The following TMEM87B variants were observed in gnomAD, a reference collection of about 807,000 sequenced individuals.
TMEM87B encodes transmembrane protein 87B.
In TMEM87B, 83 loss-of-function variants were observed where a neutral mutation model predicts 80.3. The observed-to-expected ratio is 1.03, with a 90% CI of 0.87 to 1.24. The LOEUF is 1.24. Among genes scored for constraint, TMEM87B ranks in the 50% most tolerant of loss-of-function variants. TMEM87B has a pLI of 0.00. For synonymous variants in TMEM87B, 219 were observed against 230.5 expected (o/e 0.95, Z 0.45); for missense variants, 625 against 674.4 (o/e 0.93, Z 0.81).
chr2:112,089,653 G>A lies in TMEM87B; in HGVS notation c.967G>A (p.Val323Met). ...TCGTTTAGGAACAGTCATGCACCGG[G>A]TGATCGGACTGGGGCTTCTATACTT... Reference protein sequence around the residue: ...KPRLGTVMHRVIGLGLLYLIF... With the variant: ...KPRLGTVMHRMIGLGLLYLIF... The change falls in exon 10 of 19, where the codon GTG becomes ATG. Residue 323 changes from valine to methionine, a missense_variant. Transcript: ENST00000283206. 1 of 1,614,164 alleles carries A rather than the reference G, an allele frequency of 6.2e-7. No individual in the cohort carries two copies. Among genetic ancestry groups the A allele is most frequent in the South Asian group, 1.1e-5 (1 of 91,082 alleles).
Position 112,117,485 on chromosome 2 carries a change from T to C in TMEM87B, c.*1342T>C, listed in dbSNP as rs561489441. On this transcript the variant is annotated 3_prime_UTR_variant, in exon 19 of 19. Transcript: ENST00000283206. ...CTACCTTCTGAATTTATTTCTTGTT[T>C]ACTCATTTCAGAGAGGGTAGTAAAG... is the stretch of plus-strand genomic sequence containing the variant. The C allele has an allele frequency of 7.2e-5, 11 of 152,324 alleles. No individual in the cohort carries two copies. In the East Asian group the frequency reaches 2.1e-3, roughly 29 times the overall value. The allele number at this position is 152,324 out of a possible 1,614,324, so 9.4% of individuals were successfully genotyped here.
At chr2:112,085,970 G>C (rs2104480957) in intron 8 of TMEM87B, 35 bp from the exon 9 acceptor site, 1 of 1,588,490 alleles carries the variant, frequency 6.3e-7, no homozygotes, top group South Asian at 1.1e-5. Flanking sequence ...TCCAGGTGTA[G>C]ACAAAGTGAA....
At chr2:112,102,965 C>T (rs1002474588) in intron 15 of TMEM87B, among the ~76,000 whole-genome samples, 6 of 151,826 alleles carry the variant, frequency 4.0e-5, no homozygotes, top group Non-Finnish European at 8.8e-5. Flanking sequence ...AGAAGCAAAA[C>T]AAAACTCCAA....
intron 9 of TMEM87B, among the ~76,000 whole-genome samples, chr2:112,086,818 C>T (rs1679159257): frequency 6.6e-6 from 1 of 152,148 alleles, no homozygotes. Flanking sequence ...GAGCCATGTG[C>T]ATGACCCTTT....
rs778639682 is a variant in TMEM87B at position 112,077,176 on chromosome 2, T to G, written c.502-16T>G. 17 of 1,469,040 alleles carry G rather than the reference T, an allele frequency of 1.2e-5. No homozygotes were observed. Among genetic ancestry groups the G allele is most frequent in the Non-Finnish European group, 1.6e-5 (17 of 1,075,566 alleles). The allele number at this position is 1,469,040 out of a possible 1,614,324, so 91.0% of individuals were successfully genotyped here. A position where few individuals can be genotyped will look rare whatever the true frequency, so the allele number is the denominator to read the frequency against. On this transcript the variant is annotated splice_polypyrimidine_tract_variant and intron_variant, in intron 5 of 18. Transcript: ENST00000283206. ...TTGTTAAAAATAATGAAGAATTTTT[T>G]TCACCTCTATTTCAGGATGTTGTAG...
intron 4 of TMEM87B, among the ~76,000 whole-genome samples, chr2:112,073,212 T>C (rs1477128733): frequency 6.6e-6 from 1 of 152,150 alleles, no homozygotes; most frequent in African/African-American, 2.4e-5. Flanking sequence ...CCAGCCAAGA[T>C]CTTTTTAACT....
chr2:112,073,710 A>G (rs1678727549), intron 4 of TMEM87B, among the ~76,000 whole-genome samples: 1 of 152,086 alleles, frequency 6.6e-6, no homozygotes, highest in African/African-American at 2.4e-5. Context: ...GTCTCTCACT[A>G]TTATTGTGTG....
At chr2:112,110,951 T>G (rs1187902128) in intron 17 of TMEM87B, among the ~76,000 whole-genome samples, 3 of 152,104 alleles carry the variant, frequency 2.0e-5, no homozygotes, top group African/African-American at 2.4e-5. Context: ...AGTGTTGGGC[T>G]TTTTTGGAGG....
chr2:112,089,485 A>T (rs1282894716), intron 9 of TMEM87B, 140 bp from the exon 10 acceptor site: 8 of 698,272 alleles, frequency 1.1e-5, no homozygotes, highest in Admixed American at 2.7e-5. Flanking sequence ...CCTAAAACAA[A>T]GTACCTCAGA....
intron 17 of TMEM87B, among the ~76,000 whole-genome samples, chr2:112,110,630 C>T (rs564069249): frequency 6.6e-5 from 10 of 152,118 alleles, no homozygotes; most frequent in Admixed American, 1.3e-4. Context: ...TCCATCAGTG[C>T]GCATGAATTG....
chr2:112,087,103 C>T (rs895018693), intron 9 of TMEM87B, among the ~76,000 whole-genome samples: 12 of 152,248 alleles, frequency 7.9e-5, no homozygotes, highest in African/African-American at 2.9e-4. Flanking sequence ...TATATCCTTA[C>T]CTTCTTCCTT....
chr2:112,075,563 G>A (rs1202865614), intron 5 of TMEM87B, among the ~76,000 whole-genome samples: 1 of 152,058 alleles, frequency 6.6e-6, no homozygotes, highest in Non-Finnish European at 1.5e-5. Flanking sequence ...CATAGCAATG[G>A]GCTGTGCGTG....
intron 11 of TMEM87B, among the ~76,000 whole-genome samples, chr2:112,092,364 T>A (rs2104488269): frequency 6.6e-6 from 1 of 152,156 alleles, no homozygotes; most frequent in East Asian, 1.9e-4. Flanking sequence ...TGGACATGCA[T>A]GGGAGAGCCT....
At chr2:112,093,216 T>C (rs992555254) in intron 11 of TMEM87B, among the ~76,000 whole-genome samples, 2 of 152,216 alleles carry the variant, frequency 1.3e-5, no homozygotes, top group African/African-American at 2.4e-5. Flanking sequence ...TTTTCTAAGC[T>C]GGGTCTACCT....
intron 17 of TMEM87B, among the ~76,000 whole-genome samples, chr2:112,109,367 T>C (rs564206748): frequency 1.8e-4 from 27 of 152,316 alleles, no homozygotes; most frequent in African/African-American, 6.3e-4. Context: ...ATATTTCTTA[T>C]AGGATAGGTC....
At position 112,055,456 on chromosome 2, in the gene TMEM87B, C is replaced by G; in HGVS notation, c.-136C>G. On this transcript the variant is annotated 5_prime_UTR_variant, in exon 1 of 19. Coordinates refer to ENST00000283206, the MANE Select transcript of TMEM87B (RefSeq NM_032824.3). ...CTGCACGGCGCCTCTCCGCCCAGGC[C>G]CAAGCGCGAGCCCCTCCTCCACACC... 4.7e-6 allele frequency: 5 copies of G among 1,075,002 alleles called. No individual in the cohort carries two copies. Among genetic ancestry groups the G allele is most frequent in the Non-Finnish European group, 6.3e-6 (5 of 797,544 alleles). The allele number at this position is 1,075,002 out of a possible 1,614,324, so 66.6% of individuals were successfully genotyped here.
At chr2:112,083,964 A>G (rs1228203719) in intron 8 of TMEM87B, among the ~76,000 whole-genome samples, 2 of 152,228 alleles carry the variant, frequency 1.3e-5, no homozygotes, top group African/African-American at 4.8e-5. Context: ...AGAAAGGTGA[A>G]ATCTGATGAT....
chr2:112,083,390 G>C (rs1280444699), intron 8 of TMEM87B, among the ~76,000 whole-genome samples: 1 of 152,188 alleles, frequency 6.6e-6, no homozygotes, highest in Non-Finnish European at 1.5e-5. Flanking sequence ...GGGTACTTAA[G>C]TAAAATTAAA....
At chr2:112,083,484 G>A (rs975539518) in intron 8 of TMEM87B, among the ~76,000 whole-genome samples, 3 of 152,214 alleles carry the variant, frequency 2.0e-5, no homozygotes, top group Non-Finnish European at 2.9e-5. Context: ...CTGCTGTATT[G>A]GACAGCACAG....
Sources: allele counts gnomAD v4.1 joint callset (sites outside exome capture counted in the v4.1 genomes callset), GRCh38; gene constraint gnomAD v4.1.1; transcripts MANE v1.5; gene names NCBI Gene and HGNC (gene_info 2026-07-23, HGNC 2026-07-21).